MLIP: variants seen among roughly 807,000 people sequenced by gnomAD.
MLIP encodes muscular LMNA interacting protein, also known as muscular LMNA-interacting protein.
A neutral mutation model predicts 84.8 loss-of-function variants in MLIP; 79 were observed. That is an observed-to-expected ratio of 0.93 (90% CI 0.78 to 1.12). MLIP has a LOEUF of 1.12. MLIP is among the 50% of genes most tolerant of loss of function. The probability of loss-of-function intolerance (pLI) is 0.00; values close to 1 mark genes in which losing one functional copy is unlikely to be tolerated. For synonymous variants in MLIP, 504 were observed against 463.0 expected, an observed-to-expected ratio of 1.09 and a Z score of -1.14; for missense variants, 1,257 against 1,160.6, an observed-to-expected ratio of 1.08 and a Z score of -1.21.
intron 1 of MLIP, 96 bp downstream of exon 1, chr6:54,111,671 C>A: frequency 8.1e-7 from 1 of 1,227,890 alleles, no homozygotes; most frequent in Non-Finnish European, 1.1e-6. Context: ...GAGAGCTGCC[C>A]AGTGAAGATA....
chr6:54,077,489 A>C (rs922220529), intron 1 of MLIP, among the ~76,000 whole-genome samples: 1 of 152,204 alleles, frequency 6.6e-6, no homozygotes, highest in Non-Finnish European at 1.5e-5. Flanking sequence ...CAAAGCTTTA[A>C]TATTCAAAAC....
intron 10 of MLIP, among the ~76,000 whole-genome samples, chr6:54,191,283 C>G (rs929717612): frequency 3.3e-5 from 5 of 151,742 alleles, no homozygotes; most frequent in African/African-American, 1.2e-4. Context: ...CATTATTATC[C>G]CAATAAAAAT....
At chr6:54,179,664 A>G (rs1341223696) in intron 9 of MLIP, among the ~76,000 whole-genome samples, 1 of 152,140 alleles carries the variant, frequency 6.6e-6, no homozygotes, top group Non-Finnish European at 1.5e-5. Context: ...AATTGCATAA[A>G]CAAACATGCA....
rs184225398 is a variant in MLIP, at chr6:54,181,675, C to T, written c.2545-8195C>T. ...AGAGCCTAAGGCCCATGGTGTACTA[C>T]GTGGGTATCATTGCTGGTTATTCAC... On this transcript the variant is annotated intron_variant, in intron 9 of 13. Transcript: ENST00000502396. 1.2e-4 allele frequency among the ~76,000 whole-genome samples: 19 copies of T among 152,272 alleles called. No individual in the cohort carries two copies. In the East Asian group the frequency reaches 1.4e-3, roughly 11 times the overall value.
rs891056646 is a variant in MLIP at position 54,231,401 on chromosome 6, T to C, written c.2922+484T>C. 2.6e-5 allele frequency among the ~76,000 whole-genome samples: 4 copies of C among 152,314 alleles called. No individual in the cohort carries two copies. The South Asian group carries it at 8.3e-4, about 32-fold the overall frequency. ...TTTACTTTAAAATGTACCTGTCTGC[T>C]TCACTGTGTATAGTAACGCGATGTG... On this transcript the variant is annotated intron_variant, in intron 12 of 13. Transcript: ENST00000502396.
intron 1 of MLIP, among the ~76,000 whole-genome samples, chr6:54,082,246 T>TG (rs1384155891): frequency 6.6e-6 from 1 of 152,228 alleles, no homozygotes; most frequent in East Asian, 1.9e-4. Context: ...CCTCTGTTGA[T>TG]GGGCATTTAG....
intron 8 of MLIP, among the ~76,000 whole-genome samples, chr6:54,161,109 T>C (rs1006638116): frequency 6.6e-6 from 1 of 151,986 alleles, no homozygotes; most frequent in Admixed American, 6.6e-5. Context: ...ATGTTTTTTT[T>C]TTACATTGAT....
At chr6:54,208,169 T>C (rs1779173206) in intron 11 of MLIP, among the ~76,000 whole-genome samples, 1 of 152,186 alleles carries the variant, frequency 6.6e-6, no homozygotes. Flanking sequence ...TTTTAATTCT[T>C]TATTGGTTTT....
At chr6:54,247,029 C>T (rs577579883) in intron 12 of MLIP, among the ~76,000 whole-genome samples, 6 of 152,234 alleles carry the variant, frequency 3.9e-5, no homozygotes, top group Admixed American at 2.6e-4. Context: ...ATGTCTTTCT[C>T]TTTTTATTTA....
At chr6:54,166,816 T>G (rs1775242707) in intron 8 of MLIP, among the ~76,000 whole-genome samples, 1 of 151,976 alleles carries the variant, frequency 6.6e-6, no homozygotes, top group African/African-American at 2.4e-5. Flanking sequence ...CTATCTTCAT[T>G]TCCATTTATA....
At chr6:54,212,460 A>G (rs1022569920) in intron 11 of MLIP, among the ~76,000 whole-genome samples, 1 of 152,186 alleles carries the variant, frequency 6.6e-6, no homozygotes, top group African/African-American at 2.4e-5. Flanking sequence ...AGAGATGGAA[A>G]GTCTTAATTT....
intron 11 of MLIP, among the ~76,000 whole-genome samples, chr6:54,209,595 C>T (rs1047566609): frequency 2.0e-4 from 31 of 152,058 alleles, no homozygotes; most frequent in Non-Finnish European, 4.0e-4. Flanking sequence ...ATGGGATTAC[C>T]GGTAGGTTTT....
At chr6:54,143,566 G>GA (rs1295156263) in intron 4 of MLIP, among the ~76,000 whole-genome samples, 3 of 151,840 alleles carry the variant, frequency 2.0e-5, no homozygotes, top group Non-Finnish European at 4.4e-5. Context: ...ATTGTCAAAG[G>GA]AAAAAACAGG....
intron 9 of MLIP, among the ~76,000 whole-genome samples, chr6:54,188,750 T>A (rs1179456127): frequency 6.6e-6 from 1 of 152,110 alleles, no homozygotes; most frequent in Non-Finnish European, 1.5e-5. Flanking sequence ...TTTCAGAAGA[T>A]ATGCATACTC....
chr6:54,260,005 C>G, intron 13 of MLIP, among the ~76,000 whole-genome samples: 1 of 151,730 alleles, frequency 6.6e-6, no homozygotes, highest in East Asian at 1.9e-4. Context: ...AGTTACAAAC[C>G]CAGTGCAAAT....
Position 54,149,047 on chromosome 6 carries a change from C to T in MLIP, c.2218-9C>T, listed in dbSNP as rs769750760. On this transcript the variant is annotated splice_polypyrimidine_tract_variant and intron_variant, in intron 4 of 13. Transcript: ENST00000502396. Reference sequence around the variant, plus strand: ...ATCTCTACTCTTGCTTTCTGGTTGCCCATTCTAGCAATACAAGACCAAGTC... The same window carrying T: ...ATCTCTACTCTTGCTTTCTGGTTGCTCATTCTAGCAATACAAGACCAAGTC... The T allele has an allele frequency of 2.0e-5, 33 of 1,611,032 alleles. No individual in the cohort carries two copies. The highest frequency in any genetic ancestry group is 2.8e-5 in the Non-Finnish European group (33 of 1,178,164).
rs1016045847 is a variant in MLIP, at chr6:54,216,806, A to C, written c.2719-13908A>C. The stretch of plus-strand genomic sequence containing the variant: ...TATGCCATATAATCGAAACCAATTT[A>C]TATTGGCTTTATCTTAGTGAAATGT... On this transcript the variant is annotated intron_variant, in intron 11 of 13. Transcript: ENST00000502396. The C allele has an allele frequency of 8.3e-5, 82 of 985,380 alleles. No homozygotes were observed. In the African/African-American group the frequency reaches 1.4e-3, roughly 16 times the overall value. The allele number at this position is 985,380 out of a possible 1,614,324, so 61.0% of individuals were successfully genotyped here. A position where few individuals can be genotyped will look rare whatever the true frequency, so the allele number is the denominator to read the frequency against.
intron 3 of MLIP, among the ~76,000 whole-genome samples, chr6:54,134,971 C>T (rs1009296699): frequency 1.3e-5 from 2 of 150,848 alleles, no homozygotes; most frequent in African/African-American, 4.8e-5. Context: ...TTAGAGAAGA[C>T]TTTTCTTTGT....
chr6:54,158,396 T>C (rs1228289374), intron 5 of MLIP, among the ~76,000 whole-genome samples: 1 of 152,130 alleles, frequency 6.6e-6, no homozygotes, highest in Non-Finnish European at 1.5e-5. Flanking sequence ...ACGATATTTC[T>C]CTTGAAAATA....
Sources: allele counts gnomAD v4.1 joint callset (sites outside exome capture counted in the v4.1 genomes callset), GRCh38; gene constraint gnomAD v4.1.1; transcripts MANE v1.5; gene names NCBI Gene and HGNC (gene_info 2026-07-23, HGNC 2026-07-21).